SPTBN2: variants seen among roughly 807,000 people sequenced by gnomAD.
SPTBN2 encodes the protein spectrin beta, non-erythrocytic 2.
A neutral mutation model predicts 284.2 loss-of-function variants in SPTBN2; 107 were observed. The ratio of observed to expected loss-of-function variants is 0.38; its 90% CI spans 0.32 to 0.44. SPTBN2 has a LOEUF of 0.44. SPTBN2 is among the 20% of genes least tolerant of loss of function. The pLI is 1.00. For missense variants in SPTBN2, 2,569 were observed against 3,287.1 expected (o/e 0.78, Z 5.34); for synonymous variants, 1,289 against 1,354.8 (o/e 0.95, Z 1.07).
At position 66,693,725 on chromosome 11, in the gene SPTBN2, G is replaced by A; in HGVS notation, c.4593+47C>T. 6.4e-7 allele frequency: 1 copy of A among 1,560,536 alleles called. No homozygotes were observed. The highest frequency in any genetic ancestry group is 1.2e-5 in the South Asian group (1 of 86,712). On this transcript the variant is annotated intron_variant, in intron 23 of 37. Coordinates refer to ENST00000533211, the MANE Select transcript of SPTBN2 (RefSeq NM_006946.4). The surrounding 1 kb of genome is among the most constrained non-coding windows in gnomAD (Gnocchi z 5.7). ...CTTAAGAAAAAACACGTCCAAGTCT[G>A]GGCAGGCTCCTGGGAACTTCTCTTT...
Position 66,685,799 on chromosome 11 carries a change from G to A in SPTBN2, c.*72C>T. On this transcript the variant is annotated 3_prime_UTR_variant, in exon 38 of 38. Transcript: ENST00000533211. The surrounding 1 kb of genome is among the most constrained non-coding windows in gnomAD (Gnocchi z 4.4). ...AGCAGGCAGTTGTCCTGACAAGAGG[G>A]CGGTCCCTGTCGACTGTCCCTGGCA... The A allele has an allele frequency of 7.0e-7, 1 of 1,437,932 alleles. No homozygotes were observed. Among genetic ancestry groups the A allele is most frequent in the Non-Finnish European group, 9.8e-7 (1 of 1,023,920 alleles). The allele number at this position is 1,437,932 out of a possible 1,614,324, so 89.1% of individuals were successfully genotyped here. A position where few individuals can be genotyped will look rare whatever the true frequency, so the allele number is the denominator to read the frequency against.
In SPTBN2 at chr11:66,705,769, C is replaced by G; in HGVS notation, c.1722G>C (p.Glu574Asp). ...AGVEDLLQLH[E>D]LVEADIAVQA... ...GCACGGCGATGTCTGCCTCCACCAG[C>G]TCGTGCAGCTGCAGCAGGTCCTCCA... The change falls in exon 14 of 38, where the codon GAG becomes GAC. Residue 574 changes from glutamate (E) to aspartate (D), a missense_variant. Transcript: ENST00000533211. The G allele has an allele frequency of 6.2e-7, 1 of 1,612,642 alleles. No homozygotes were observed. The highest frequency in any genetic ancestry group is 1.3e-5 in the African/African-American group (1 of 75,076).
At chr11:66,717,495 G>A (rs1942201519) in intron 3 of SPTBN2, among the ~76,000 whole-genome samples, 1 of 152,124 alleles carries the variant, frequency 6.6e-6, no homozygotes, top group Admixed American at 6.5e-5. Flanking sequence ...ACGTCGCTCC[G>A]TGTCTTTCAC....
Position 66,710,462 on chromosome 11 carries a change from G to T in SPTBN2, c.1073+120C>A. The T allele has an allele frequency of 2.0e-6, 2 of 985,924 alleles. No individual in the cohort carries two copies. The highest frequency in any genetic ancestry group is 1.6e-5 in the African/African-American group (1 of 62,108). The allele number at this position is 985,924 out of a possible 1,614,324, so 61.1% of individuals were successfully genotyped here. A position where few individuals can be genotyped will look rare whatever the true frequency, so the allele number is the denominator to read the frequency against. ...ACTATGTTGTTTGGATGCTTCTGGT[G>T]TGGGAAATCTCCACTGCATTTATGT... On this transcript the variant is annotated intron_variant, in intron 10 of 37. Transcript: ENST00000533211. The surrounding 1 kb of genome is among the most constrained non-coding windows in gnomAD (Gnocchi z 4.9).
intron 15 of SPTBN2, among the ~76,000 whole-genome samples, chr11:66,704,097 C>T (rs998311769): frequency 5.3e-5 from 8 of 151,660 alleles, no homozygotes; most frequent in Admixed American, 3.3e-4. Flanking sequence ...CTCAGCCTCC[C>T]GAGTAGCTGG....
chr11:66,694,255 AGGTTCTCTCCACCTC>A lies in SPTBN2; in HGVS notation c.4372_4386del (p.Glu1458_Thr1462del). On this transcript the variant is annotated inframe_deletion, in exon 22 of 38. Coordinates refer to ENST00000533211, the MANE Select transcript of SPTBN2 (RefSeq NM_006946.4). ...CTGAACTTCTCCTCCACGGCCCTCG[AGGTTCTCTCCACCTC>A]CCCTGCACCCTGGTCCTCCTGGGCC... 1 of 1,614,120 alleles carries A rather than the reference AGGTTCTCTCCACCTC, an allele frequency of 6.2e-7. No individual in the cohort carries two copies. Among genetic ancestry groups the A allele is most frequent in the Non-Finnish European group, 8.5e-7 (1 of 1,180,016 alleles).
chr11:66,683,458 A>G lies in SPTBN2; in HGVS notation c.*2413T>C, dbSNP rs1590896646. On this transcript the variant is annotated 3_prime_UTR_variant, in exon 38 of 38. Coordinates refer to ENST00000533211, the MANE Select transcript of SPTBN2 (RefSeq NM_006946.4). ...GTGTCTAACTTGTCTCATAGCCCTCACCGCCCCATTCCATCCTGTTGTCTT... is the reference window on the plus strand; with the variant it reads ...GTGTCTAACTTGTCTCATAGCCCTCGCCGCCCCATTCCATCCTGTTGTCTT... Among the ~76,000 whole-genome samples, 1 of 151,894 alleles carries G rather than the reference A, an allele frequency of 6.6e-6. No individual in the cohort carries two copies. The highest frequency in any genetic ancestry group is 1.5e-5 in the Non-Finnish European group (1 of 67,970).
In SPTBN2 at chr11:66,715,055, G is replaced by C. The variant is rs1942073854; in HGVS notation, c.483+167C>G. Among the ~76,000 whole-genome samples, 1 of 152,242 alleles carries C rather than the reference G, an allele frequency of 6.6e-6. No homozygotes were observed. Among genetic ancestry groups the C allele is most frequent in the African/African-American group, 2.4e-5 (1 of 41,468 alleles). ...CAAGCTGGTTTCTACCCTGCTGAAA[G>C]AGGGGAGTCCACTGATCTGGTGCTT... On this transcript the variant is annotated intron_variant, in intron 5 of 37. Coordinates refer to ENST00000533211, the MANE Select transcript of SPTBN2 (RefSeq NM_006946.4). The surrounding 1 kb of genome is among the most constrained non-coding windows in gnomAD (Gnocchi z 5.3).
chr11:66,700,614 T>G lies in SPTBN2; in HGVS notation c.3485A>C (p.Glu1162Ala). The G allele has an allele frequency of 6.2e-7, 1 of 1,608,134 alleles. No individual in the cohort carries two copies. Among genetic ancestry groups the G allele is most frequent in the Non-Finnish European group, 8.5e-7 (1 of 1,179,982 alleles). The change falls in exon 17 of 38, where the codon GAG becomes GCG. Residue 1162 changes from glutamate (E) to alanine (A), a missense_variant. Transcript: ENST00000533211. The surrounding 1 kb of genome is among the most constrained non-coding windows in gnomAD (Gnocchi z 6.6). ...CTGGGCCAGGCGACCTTGCCGGCTC[T>G]CCCACATTCGGCCCAGCTCCTCCCA... Reference protein sequence around the residue: ...TGWEELGRMWESRQGRLAQAH... With the variant: ...TGWEELGRMWASRQGRLAQAH...
upstream of SPTBN2, among the ~76,000 whole-genome samples, chr11:66,732,078 G>C (rs755438200): frequency 2.7e-4 from 41 of 152,122 alleles, no homozygotes; most frequent in Non-Finnish European, 5.1e-4. Flanking sequence ...AATAATAATA[G>C]CTGTTACTAA....
rs1941686659 is a variant in SPTBN2, at chr11:66,708,472, C to T, written c.1192-173G>A. On this transcript the variant is annotated intron_variant, in intron 11 of 37. Transcript: ENST00000533211. The surrounding 1 kb of genome is among the most constrained non-coding windows in gnomAD (Gnocchi z 4.4). ...GGGCAGCGCTGGGAGTCTGTGAAGC[C>T]ATGTAGAAGCTTCTGGAAAAGGACT... 6.6e-6 allele frequency among the ~76,000 whole-genome samples: 1 copy of T among 152,216 alleles called. No individual in the cohort carries two copies. Among genetic ancestry groups the T allele is most frequent in the Non-Finnish European group, 1.5e-5 (1 of 68,042 alleles).
intron 1 of SPTBN2, among the ~76,000 whole-genome samples, chr11:66,726,898 G>A (rs531704641): frequency 1.3e-5 from 2 of 152,296 alleles, no homozygotes; most frequent in African/African-American, 2.4e-5. Context: ...GGGCCTCCAG[G>A]AAGGCAAGAG....
rs945966877 is a variant in SPTBN2, at chr11:66,700,003, G to A, written c.3574-395C>T. On this transcript the variant is annotated intron_variant, in intron 17 of 37. Coordinates refer to ENST00000533211, the MANE Select transcript of SPTBN2 (RefSeq NM_006946.4). This position sits in a 1 kb window ranked among gnomAD's most constrained non-coding sequence, Gnocchi z 6.6. ...GAGAGGGTTTCATTCTGTGGCCCAG[G>A]TTGGAGTGCAGTGGCATATCATAGC... Among the ~76,000 whole-genome samples the A allele has an allele frequency of 6.6e-6, 1 of 151,582 alleles. No homozygotes were observed. Among genetic ancestry groups the A allele is most frequent in the African/African-American group, 2.4e-5 (1 of 41,222 alleles).
Position 66,691,343 on chromosome 11 carries a change from C to T in SPTBN2, c.5506G>A (p.Glu1836Lys), listed in dbSNP as rs1392369554. The T allele has an allele frequency of 5.7e-6, 9 of 1,566,136 alleles. No homozygotes were observed. Among genetic ancestry groups the T allele is most frequent in the South Asian group, 1.2e-5 (1 of 83,228 alleles). The change falls in exon 27 of 38, where the codon GAG becomes AAG. Residue 1836 changes from glutamate to lysine, a missense_variant. By Grantham distance (56) the Glu-to-Lys change is moderately conservative (BLOSUM62 1). Coordinates refer to ENST00000533211, the MANE Select transcript of SPTBN2 (RefSeq NM_006946.4). This position sits in a 1 kb window ranked among gnomAD's most constrained non-coding sequence, Gnocchi z 8.0. Reference sequence around the variant, plus strand: ...GCACAGTGTCGGCGCTGCAGGGCCTCGGCAGCGTTGAGGTCGCGGCCAGTC... The same window carrying T: ...GCACAGTGTCGGCGCTGCAGGGCCTTGGCAGCGTTGAGGTCGCGGCCAGTC... ...DGTGRDLNAA[E>K]ALQRRHCAYE...
chr11:66,737,751 T>C (rs1942864083), intron 1 of SPTBN2, among the ~76,000 whole-genome samples: 1 of 152,114 alleles, frequency 6.6e-6, no homozygotes, highest in Non-Finnish European at 1.5e-5. Context: ...CTAAACACAC[T>C]AAATACACTA....
chr11:66,743,697 G>A (rs556208304), intron 1 of SPTBN2, among the ~76,000 whole-genome samples: 1 of 152,274 alleles, frequency 6.6e-6, no homozygotes, highest in African/African-American at 2.4e-5. Context: ...CCAGAGCCCA[G>A]AAAAGCCAGC....
chr11:66,704,576 A>G (rs779040998), intron 15 of SPTBN2, 22 bp downstream of exon 15: 1 of 1,562,816 alleles, frequency 6.4e-7, no homozygotes, highest in Admixed American at 1.8e-5. Flanking sequence ...GGCTGGTCCC[A>G]CTAGGAGCCT....
chr11:66,721,920 G>A (rs959041897), intron 1 of SPTBN2, among the ~76,000 whole-genome samples: 1 of 151,874 alleles, frequency 6.6e-6, no homozygotes, highest in Non-Finnish European at 1.5e-5. Flanking sequence ...AGTGGCAGGC[G>A]CCTGTAATCC....
chr11:66,704,543 G>GCCCCC, intron 15 of SPTBN2, 55 bp downstream of exon 15: 17 of 1,550,554 alleles, frequency 1.1e-5, no homozygotes, highest in South Asian at 2.3e-5. Flanking sequence ...CCACATCCTG[G>GCCCCC]CCCCCCCACC....
Sources: gnomAD v4.1 joint callset for allele counts (sites outside exome capture counted in the v4.1 genomes callset) on GRCh38, gnomAD v4.1.1 for gene constraint, Gnocchi (gnomAD v3.1) non-coding constraint, MANE v1.5 for transcripts, NCBI Gene and HGNC (gene_info 2026-07-23, HGNC 2026-07-21) for gene names.